The following ESX1 variants were observed in gnomAD, a reference collection of about 807,000 sequenced individuals.
ESX1 encodes ESX homeobox 1.
Under a neutral mutation model 13.2 loss-of-function variants are expected in ESX1, and 2 were observed. That is an observed-to-expected ratio of 0.15 (90% CI 0.06 to 0.48). The LOEUF (loss-of-function observed/expected upper bound fraction) is 0.48. Ranked by LOEUF, ESX1 falls within the 20% of genes least tolerant of loss-of-function variation. The probability of loss-of-function intolerance (pLI) is 0.97; values close to 1 mark genes in which losing one functional copy is unlikely to be tolerated. For synonymous variants in ESX1, 157 were observed against 163.1 expected (o/e 0.96, Z 0.29); for missense variants, 307 against 379.0 (o/e 0.81, Z 1.58).
chrX:104,254,793 G>T lies in ESX1; in HGVS notation c.57C>A (p.Val19=), dbSNP rs782398321. 1.7e-6 allele frequency: 2 copies of T among 1,209,018 alleles called. No individual in the cohort carries two copies. Among genetic ancestry groups the T allele is most frequent in the Admixed American group, 2.2e-5 (1 of 45,874 alleles). Residue 19 remains valine, a synonymous_variant, in exon 1 of 4, where the codon GTC becomes GTA. Coordinates refer to ENST00000372588, the MANE Select transcript of ESX1 (RefSeq NM_153448.4). ...CATTCACTTCCTCGATGTCCTCGCC[G>T]ACTGCCAGGCTGCGGTAGCCAATAT... is the stretch of plus-strand genomic sequence containing the variant. ...HSDIGYRSLA[V]GEDIEEVNDE... is the part of the protein sequence containing the mutation.
chrX:104,251,647 TCAAA>T (rs1306286135), intron 3 of ESX1, among the ~76,000 whole-genome samples: 4 of 112,132 alleles, frequency 3.6e-5, no homozygotes, highest in Non-Finnish European at 7.5e-5. Context: ...TTCTGTAATT[TCAAA>T]CAGTCACCTT....
chrX:104,254,422 G>GGCC lies in ESX1; in HGVS notation c.235_237dup (p.Gly79dup), dbSNP rs1569473248. On this transcript the variant is annotated inframe_insertion, in exon 2 of 4. Coordinates refer to ENST00000372588, the MANE Select transcript of ESX1 (RefSeq NM_153448.4). ...TCCTCCTGCTGTTGCTCCGGCTCGT[G>GGCC]GCCGCCGCCACCCTCACGGTCTTGG... 8.3e-7 allele frequency: 1 copy of GGCC among 1,211,903 alleles called. No homozygotes were observed. The highest frequency in any genetic ancestry group is 3.0e-5 in the East Asian group (1 of 33,820).
Position 104,250,070 on chromosome X carries a change from A to T in ESX1, c.*158T>A. On this transcript the variant is annotated 3_prime_UTR_variant, in exon 4 of 4. Transcript: ENST00000372588. ...AAGTCACATCTTTATTGAAAATACT[A>T]CAATTATGTGGCCTACAAAAATAAC... 1 of 670,646 alleles carries T rather than the reference A, an allele frequency of 1.5e-6. No homozygotes were observed. The highest frequency in any genetic ancestry group is 2.1e-6 in the Non-Finnish European group (1 of 472,974). The allele number at this position is 670,646 out of a possible 1,213,427, so 55.3% of individuals were successfully genotyped here.
At chrX:104,254,676 C>A in intron 1 of ESX1, 92 bp downstream of exon 1, 1 of 1,141,273 alleles carries the variant, frequency 8.8e-7, no homozygotes, top group Non-Finnish European at 1.2e-6. Flanking sequence ...GCAACTGCGA[C>A]AGCCGCGCAG....
At position 104,254,592 on chromosome X, in the gene ESX1, A is replaced by G. The variant is rs1374125978; in HGVS notation, c.83-15T>C. On this transcript the variant is annotated splice_polypyrimidine_tract_variant and intron_variant, in intron 1 of 3. Transcript: ENST00000372588. ...AAGTTTCTCATCTGGGAAGGGAGGA[A>G]AGCAAAAGAGACACCAGGGCGTTGG... 1 of 1,201,245 alleles carries G rather than the reference A, an allele frequency of 8.3e-7. No homozygotes were observed. Among genetic ancestry groups the G allele is most frequent in the East Asian group, 3.0e-5 (1 of 33,569 alleles).
At chrX:104,252,912 T>C (rs1923219020) in intron 2 of ESX1, 84 bp from the exon 3 acceptor site, 4 of 902,700 alleles carry the variant, frequency 4.4e-6, no homozygotes. Context: ...CTCAGCACTT[T>C]GGGAGGCCGA....
intron 2 of ESX1, among the ~76,000 whole-genome samples, chrX:104,253,526 G>A (rs1441147038): frequency 8.9e-6 from 1 of 111,998 alleles, no homozygotes; most frequent in African/African-American, 3.2e-5. Context: ...AACCACATCG[G>A]CCAAGCGCGC....
intron 2 of ESX1, among the ~76,000 whole-genome samples, chrX:104,253,453 T>C (rs1000703516): frequency 9.0e-6 from 1 of 111,196 alleles, no homozygotes; most frequent in Non-Finnish European, 1.9e-5. Context: ...AAGCGCTGTA[T>C]TGAACCACAG....
chrX:104,252,834 G>A lies in ESX1; in HGVS notation c.507-6C>T. 8.3e-7 allele frequency: 1 copy of A among 1,202,164 alleles called. No homozygotes were observed. Among genetic ancestry groups the A allele is most frequent in the Non-Finnish European group, 1.1e-6 (1 of 887,324 alleles). On this transcript the variant is annotated splice_region_variant and splice_polypyrimidine_tract_variant and intron_variant, in intron 2 of 3. Coordinates refer to ENST00000372588, the MANE Select transcript of ESX1 (RefSeq NM_153448.4). ...GGCGTGCTGCAAGTCTCTCTCTTAG[G>A]GGAGAAAATTACAAATATTCAGTAT...
rs781897330 is a variant in ESX1, at chrX:104,254,815, A to G, written c.35T>C (p.Ile12Thr). ...ESLRGYTHSD[I>T]GYRSLAVGED... Reference sequence around the variant, plus strand: ...GCCGACTGCCAGGCTGCGGTAGCCAATATCACTGTGGGTGTACCCGCGAAG... The same window carrying G: ...GCCGACTGCCAGGCTGCGGTAGCCAGTATCACTGTGGGTGTACCCGCGAAG... Residue 12 changes from isoleucine to threonine, a missense_variant, in exon 1 of 4, where the codon ATT (isoleucine) becomes ACT (threonine). Coordinates refer to ENST00000372588, the MANE Select transcript of ESX1 (RefSeq NM_153448.4). 9 of 1,209,505 alleles carry G rather than the reference A, an allele frequency of 7.4e-6. No individual in the cohort carries two copies. In the Admixed American group the frequency reaches 1.5e-4, roughly 21 times the overall value.
intron 2 of ESX1, among the ~76,000 whole-genome samples, chrX:104,253,201 C>G (rs1261441265): frequency 1.8e-5 from 2 of 108,461 alleles, no homozygotes; most frequent in Non-Finnish European, 3.8e-5. Context: ...CCCCCACCTC[C>G]CAGTGCAGTT....
chrX:104,253,308 C>T (rs1923230995), intron 2 of ESX1, among the ~76,000 whole-genome samples: 1 of 108,780 alleles, frequency 9.2e-6, no homozygotes, highest in Non-Finnish European at 1.9e-5. Context: ...GTAAAAGCGC[C>T]CGATGGTTTG....
Position 104,254,339 on chromosome X carries a change from C to T in ESX1, c.321G>A (p.Lys107=), listed in dbSNP as rs1381553884. The T allele has an allele frequency of 1.7e-6, 2 of 1,209,960 alleles. No individual in the cohort carries two copies. Among genetic ancestry groups the T allele is most frequent in the African/African-American group, 3.5e-5 (2 of 57,301 alleles). The change falls in exon 2 of 4, where the codon AAG becomes AAA. Residue 107 remains lysine (K), a synonymous_variant. Transcript: ENST00000372588. The part of the protein sequence containing the change: ...QQEEPPLLEL[K]QEQEEPPQTT... ...TCTGGGGCGGCTCCTCCTGCTCTTG[C>T]TTCAGCTCGAGCAGGGGCGGCTCCT...
intron 2 of ESX1, 111 bp downstream of exon 2, chrX:104,254,043 G>A (rs1406894798): frequency 3.1e-6 from 3 of 952,474 alleles, no homozygotes; most frequent in Admixed American, 6.1e-5. Flanking sequence ...CGCCCACCAC[G>A]TCCCCCAAAA....
chrX:104,253,462 A>G (rs1556394917), intron 2 of ESX1, among the ~76,000 whole-genome samples: 1 of 111,571 alleles, frequency 9.0e-6, no homozygotes. Flanking sequence ...ATTGAACCAC[A>G]GTATTTCTGT....
Position 104,250,148 on chromosome X carries a change from CGAATTACTT to C in ESX1, c.*71_*79del. ...CCCACTTCATTTAACAAGCATCTAA[CGAATTACTT>C]GATGCTGTGCTGTGCACAATTTCTA... On this transcript the variant is annotated 3_prime_UTR_variant, in exon 4 of 4. Transcript: ENST00000372588. 1 of 1,092,862 alleles carries C rather than the reference CGAATTACTT, an allele frequency of 9.2e-7. No individual in the cohort carries two copies. 90.1% of individuals were successfully genotyped at this position (1,092,862 alleles called of 1,213,427 possible). A position where few individuals can be genotyped will look rare whatever the true frequency, so the allele number is the denominator to read the frequency against.
chrX:104,254,311 T>G lies in ESX1; in HGVS notation c.349A>C (p.Thr117Pro). 8.3e-7 allele frequency: 1 copy of G among 1,211,267 alleles called. No individual in the cohort carries two copies. Among genetic ancestry groups the G allele is most frequent in the Non-Finnish European group, 1.1e-6 (1 of 895,337 alleles). Residue 117 changes from threonine (T) to proline (P), a missense_variant, in exon 2 of 4, where the codon ACC becomes CCC. By Grantham distance (38) the Thr-to-Pro change is conservative. Around this residue, in one of 3 missense-constraint regions of ESX1, gnomAD observed 152 missense variants for 114.5 expected, o/e 1.33. Coordinates refer to ENST00000372588, the MANE Select transcript of ESX1 (RefSeq NM_153448.4). ...TCCGCCGGCTGTGGCCCCTCCACGG[T>G]CGTCTGGGGCGGCTCCTCCTGCTCT... ...KQEQEEPPQT[T>P]VEGPQPAEGP...
At position 104,250,213 on chromosome X, in the gene ESX1, T is replaced by C. The variant is rs192729779; in HGVS notation, c.*15A>G. ...CAGGAAAGAACTTTGGAAAAACTGTTATGAATACCTTACTTTAGAAAAAGG... is the reference window on the plus strand; with the variant it reads ...CAGGAAAGAACTTTGGAAAAACTGTCATGAATACCTTACTTTAGAAAAAGG... On this transcript the variant is annotated 3_prime_UTR_variant, in exon 4 of 4. Transcript: ENST00000372588. 2 of 1,202,805 alleles carry C rather than the reference T, an allele frequency of 1.7e-6. No homozygotes were observed. Among genetic ancestry groups the C allele is most frequent in the African/African-American group, 1.7e-5 (1 of 57,234 alleles).
In ESX1 at chrX:104,254,916, G is replaced by A; in HGVS notation, c.-67C>T. Reference sequence around the variant, plus strand: ...CTGTGCGTGGTTCCGCGGCGATCCCGGGGTTGGAACTGGCTCTGGGACCAA... The same window carrying A: ...CTGTGCGTGGTTCCGCGGCGATCCCAGGGTTGGAACTGGCTCTGGGACCAA... On this transcript the variant is annotated 5_prime_UTR_variant, in exon 1 of 4. Coordinates refer to ENST00000372588, the MANE Select transcript of ESX1 (RefSeq NM_153448.4). The A allele has an allele frequency of 2.0e-6, 2 of 985,951 alleles. No homozygotes were observed. The highest frequency in any genetic ancestry group is 2.9e-6 in the Non-Finnish European group (2 of 697,563). 81.3% of individuals were successfully genotyped at this position (985,951 alleles called of 1,213,427 possible).
Sources: allele counts gnomAD v4.1 joint callset (sites outside exome capture counted in the v4.1 genomes callset), GRCh38; gene constraint gnomAD v4.1.1; regional missense constraint gnomAD v4.1.1; transcripts MANE v1.5; gene names NCBI Gene and HGNC (gene_info 2026-07-23, HGNC 2026-07-21).